Variants in MMS22L observed in about 807,000 individuals in gnomAD.
MMS22L encodes protein MMS22-like.
MMS22L carries 74 observed loss-of-function variants against 159.1 expected under a neutral mutation model. That is an observed-to-expected ratio of 0.47 (90% CI 0.39 to 0.56). The LOEUF (loss-of-function observed/expected upper bound fraction) is 0.56, where lower values mean the gene tolerates loss of function less well. Ranked by LOEUF, MMS22L falls within the 20% of genes least tolerant of loss-of-function variation. The pLI is 0.00. For synonymous variants in MMS22L, 517 were observed against 506.9 expected, an observed-to-expected ratio of 1.02 and a Z score of -0.27; for missense variants, 1,351 against 1,422.1, an observed-to-expected ratio of 0.95 and a Z score of 0.80.
intron 13 of MMS22L, chr6:97,230,253 C>T (rs1318314072): frequency 1.3e-5 from 2 of 150,408 alleles, no homozygotes; most frequent in East Asian, 1.9e-4. Flanking sequence ...CGCACCACCA[C>T]GCTTGGCTAT....
intron 22 of MMS22L, among the ~76,000 whole-genome samples, chr6:97,156,287 G>GCTGATAGTT (rs1364896632): frequency 6.6e-6 from 1 of 152,140 alleles, no homozygotes; most frequent in African/African-American, 2.4e-5. Context: ...TGTTCACTCT[G>GCTGATAGTT]CTGATAGTTT....
chr6:97,178,378 C>T, intron 18 of MMS22L, 65 bp downstream of exon 18: 3 of 1,219,354 alleles, frequency 2.5e-6, no homozygotes, highest in Non-Finnish European at 3.4e-6. Context: ...TTTAAGAATA[C>T]TTCAGGTTTT....
chr6:97,205,301 A>T (rs1807660119), intron 14 of MMS22L, among the ~76,000 whole-genome samples: 1 of 151,702 alleles, frequency 6.6e-6, no homozygotes, highest in East Asian at 1.9e-4. Context: ...TGTTGCCCAG[A>T]CTAAGTTGCT....
At chr6:97,196,503 C>T (rs1806524821) in intron 14 of MMS22L, among the ~76,000 whole-genome samples, 1 of 152,020 alleles carries the variant, frequency 6.6e-6, no homozygotes, top group Non-Finnish European at 1.5e-5. Context: ...TGTAACTATA[C>T]ATTTGTATAA....
At chr6:97,237,799 T>C (rs1006865945) in intron 11 of MMS22L, among the ~76,000 whole-genome samples, 1 of 152,188 alleles carries the variant, frequency 6.6e-6, no homozygotes, top group South Asian at 2.1e-4. Context: ...AATTTTATTA[T>C]GAAAATATTA....
chr6:97,221,921 C>A (rs927546467), intron 14 of MMS22L, among the ~76,000 whole-genome samples: 1 of 151,972 alleles, frequency 6.6e-6, no homozygotes, highest in Non-Finnish European at 1.5e-5. Flanking sequence ...TGTAAACTGT[C>A]AATAATTAAA....
chr6:97,213,376 A>T (rs575946216), intron 14 of MMS22L, among the ~76,000 whole-genome samples: 2 of 152,310 alleles, frequency 1.3e-5, no homozygotes, highest in African/African-American at 4.8e-5. Flanking sequence ...ATTGTACTCC[A>T]GCCTGGGCAA....
chr6:97,252,228 G>A (rs1458108284), intron 10 of MMS22L, among the ~76,000 whole-genome samples: 1 of 151,880 alleles, frequency 6.6e-6, no homozygotes, highest in Non-Finnish European at 1.5e-5. Context: ...TATCTGGCGG[G>A]GTCAATATCA....
intron 14 of MMS22L, among the ~76,000 whole-genome samples, chr6:97,219,902 T>C (rs1268304910): frequency 1.3e-5 from 2 of 152,178 alleles, no homozygotes; most frequent in Non-Finnish European, 2.9e-5. Context: ...CTGAAAACAC[T>C]TTCCATTCTC....
At chr6:97,152,048 C>T (rs760513712) in intron 22 of MMS22L, among the ~76,000 whole-genome samples, 181 bp from the exon 23 acceptor site, 1 of 152,086 alleles carries the variant, frequency 6.6e-6, no homozygotes, top group Non-Finnish European at 1.5e-5. Context: ...TACCTATCTT[C>T]CATTTTAAGA....
At chr6:97,160,006 C>G (rs1204474476) in intron 22 of MMS22L, among the ~76,000 whole-genome samples, 1 of 126,382 alleles carries the variant, frequency 7.9e-6, no homozygotes, top group Non-Finnish European at 1.6e-5. Context: ...ATGTGGAGTC[C>G]TTTCCTTAGC....
At chr6:97,221,652 C>A (rs1364772404) in intron 14 of MMS22L, among the ~76,000 whole-genome samples, 1 of 151,898 alleles carries the variant, frequency 6.6e-6, no homozygotes, top group Non-Finnish European at 1.5e-5. Flanking sequence ...CTTAGAGATA[C>A]CCATGCTTTC....
chr6:97,243,973 G>A (rs993984339), intron 11 of MMS22L, among the ~76,000 whole-genome samples: 1 of 152,152 alleles, frequency 6.6e-6, no homozygotes, highest in South Asian at 2.1e-4. Flanking sequence ...GAGGTAGCAG[G>A]GGAGTGAAAT....
rs1803164970 is a variant in MMS22L at position 97,168,133 on chromosome 6, C to T, written c.2947G>A (p.Glu983Lys). ...AACATAGGTGCAGGCAGTTCCTTCT[C>T]TTGCTGTAATACTGCATGTGGCAGC... ...LLLPHAVLQQ[E>K]KELPAPMLSA... Residue 983 changes from glutamate to lysine, a missense_variant, in exon 20 of 25, where the codon GAG becomes AAG. Physicochemically the swap from Glu to Lys is moderately conservative, Grantham distance 56 (BLOSUM62 1). Coordinates refer to ENST00000683635, the MANE Select transcript of MMS22L (RefSeq NM_001350599.2). 1 of 1,613,180 alleles carries T rather than the reference C, an allele frequency of 6.2e-7. No individual in the cohort carries two copies. Among genetic ancestry groups the T allele is most frequent in the Non-Finnish European group, 8.5e-7 (1 of 1,179,438 alleles).
upstream of MMS22L, chr6:97,283,504 G>A (rs1816960582): frequency 6.6e-6 from 1 of 152,246 alleles, no homozygotes; most frequent in Admixed American, 6.5e-5. Flanking sequence ...CGAAGTGAGT[G>A]CCTCGTTCAC....
At chr6:97,151,713 G>C in intron 23 of MMS22L, 58 bp downstream of exon 23, 1 of 1,294,544 alleles carries the variant, frequency 7.7e-7, no homozygotes, top group Non-Finnish European at 1.1e-6. Flanking sequence ...TAAAAAACAT[G>C]TTGGCTGTCA....
chr6:97,179,739 G>A (rs991525073), intron 16 of MMS22L, among the ~76,000 whole-genome samples, 180 bp from the exon 17 acceptor site: 2 of 152,114 alleles, frequency 1.3e-5, no homozygotes, highest in African/African-American at 4.8e-5. Flanking sequence ...AACCCAAAAA[G>A]ATGTTAAACA....
intron 16 of MMS22L, among the ~76,000 whole-genome samples, 161 bp from the exon 17 acceptor site, chr6:97,179,720 C>A (rs745433136): frequency 5.9e-5 from 9 of 152,172 alleles, no homozygotes; most frequent in African/African-American, 1.2e-4. Flanking sequence ...AAAATGAATA[C>A]TACAGATAAA....
In MMS22L at chr6:97,146,715, C is replaced by T. The variant is rs1010247095; in HGVS notation, c.*91G>A. The T allele has an allele frequency of 3.5e-5, 30 of 854,204 alleles. No homozygotes were observed. The highest frequency in any genetic ancestry group is 5.2e-5 in the Non-Finnish European group (29 of 559,774). The allele number at this position is 854,204 out of a possible 1,614,324, so 52.9% of individuals were successfully genotyped here. ...ATCCTAGAAATTATTTTAAACAGAA[C>T]ATTATACAATTAATTAAAAGTAGGA... On this transcript the variant is annotated 3_prime_UTR_variant, in exon 25 of 25. Transcript: ENST00000683635.
Sources: allele counts gnomAD v4.1 joint callset (sites outside exome capture counted in the v4.1 genomes callset), GRCh38; gene constraint gnomAD v4.1.1; transcripts MANE v1.5; gene names NCBI Gene and HGNC (gene_info 2026-07-23, HGNC 2026-07-21).